Variants in KIRREL3 observed in about 807,000 individuals in gnomAD.
KIRREL3 encodes kin of IRRE-like protein 3.
A neutral mutation model predicts 89.7 loss-of-function variants in KIRREL3; 36 were observed. That is an observed-to-expected ratio of 0.40 (90% CI 0.31 to 0.53). The LOEUF (loss-of-function observed/expected upper bound fraction) is 0.53, where lower values mean the gene tolerates loss of function less well. Among genes scored for constraint, KIRREL3 ranks in the 20% least tolerant of loss-of-function variants. The probability of loss-of-function intolerance (pLI) is 0.49; values close to 1 mark genes in which losing one functional copy is unlikely to be tolerated. For missense variants in KIRREL3, 864 were observed against 1,056.6 expected (o/e 0.82, Z 2.53); for synonymous variants, 445 against 441.4 (o/e 1.01, Z -0.10).
intron 1 of KIRREL3, among the ~76,000 whole-genome samples, chr11:126,862,810 C>A (rs1383746713): frequency 1.3e-5 from 2 of 152,168 alleles, no homozygotes; most frequent in East Asian, 3.8e-4. Flanking sequence ...ATCAATCTGC[C>A]AGAGAGTGAT....
intron 7 of KIRREL3, among the ~76,000 whole-genome samples, chr11:126,451,801 C>T (rs11220500): frequency 0.6 from 91,016 of 151,464 alleles, 27,831 homozygotes; most frequent in East Asian, 0.82. Flanking sequence ...TTTAATCCTA[C>T]TCTGATCCCA....
chr11:126,626,258 C>T (rs558230065), intron 1 of KIRREL3, among the ~76,000 whole-genome samples: 3 of 152,294 alleles, frequency 2.0e-5, no homozygotes, highest in South Asian at 4.1e-4. Context: ...CTGGGTGTGC[C>T]CTTTAACTAC....
chr11:126,428,545 G>A lies in KIRREL3; in HGVS notation c.1806+634C>T, dbSNP rs545926570. On this transcript the variant is annotated intron_variant, in intron 15 of 16. Transcript: ENST00000525144. This position sits in a 1 kb window ranked among gnomAD's most constrained non-coding sequence, Gnocchi z 6.4. ...TAGCTATGTGTGTGTGTGCGGGGGA[G>A]GGGAGGGGATTATATGTTATATAAC... Among the ~76,000 whole-genome samples the A allele has an allele frequency of 3.3e-5, 5 of 152,168 alleles. No homozygotes were observed. Among genetic ancestry groups the A allele is most frequent in the Admixed American group, 2.0e-4 (3 of 15,290 alleles).
At chr11:126,539,339 G>A (rs612841) in intron 2 of KIRREL3, among the ~76,000 whole-genome samples, 56,342 of 152,040 alleles carry the variant, frequency 0.37, 11,747 homozygotes, top group East Asian at 0.86. Context: ...GGGTCAGACC[G>A]TGTGGGCCCT....
At chr11:126,637,199 G>A (rs1218432324) in intron 1 of KIRREL3, among the ~76,000 whole-genome samples, 1 of 152,198 alleles carries the variant, frequency 6.6e-6, no homozygotes, top group Non-Finnish European at 1.5e-5. Flanking sequence ...TGGAGGTGGA[G>A]AATGGAACTT....
In KIRREL3 at chr11:126,566,661, A is replaced by T. The variant is rs1454682680; in HGVS notation, c.56-3749T>A. Among the ~76,000 whole-genome samples the T allele has an allele frequency of 2.0e-5, 3 of 152,122 alleles. No homozygotes were observed. The highest frequency in any genetic ancestry group is 1.9e-4 in the East Asian group (1 of 5,192). ...TTCCTCCTGGGAGAAATAAAAGGGG[A>T]TGGCTTTTTAAATGGGATGGGTTTT... On this transcript the variant is annotated intron_variant, in intron 1 of 16. Transcript: ENST00000525144. The surrounding 1 kb of genome is among the most constrained non-coding windows in gnomAD (Gnocchi z 4.9).
At chr11:126,951,484 A>T (rs1187293680) in intron 1 of KIRREL3, among the ~76,000 whole-genome samples, 2 of 152,196 alleles carry the variant, frequency 1.3e-5, no homozygotes, top group Admixed American at 1.3e-4. Context: ...AGAAGGAGGT[A>T]TCAGGAGGAG....
intron 1 of KIRREL3, among the ~76,000 whole-genome samples, chr11:126,707,763 C>T (rs1947591667): frequency 6.6e-6 from 1 of 152,010 alleles, no homozygotes; most frequent in South Asian, 2.1e-4. Flanking sequence ...TTCCCTGGGT[C>T]ATTTCTCCCA....
At chr11:126,963,842 C>G (rs1272941661) in intron 1 of KIRREL3, among the ~76,000 whole-genome samples, 1 of 152,106 alleles carries the variant, frequency 6.6e-6, no homozygotes, top group East Asian at 1.9e-4. Context: ...AAAGTGCCAC[C>G]CCTGGAGTGA....
At position 126,953,410 on chromosome 11, in the gene KIRREL3, A is replaced by G. The variant is rs528678480; in HGVS notation, c.55+47045T>C. 5.3e-5 allele frequency among the ~76,000 whole-genome samples: 8 copies of G among 152,302 alleles called. No individual in the cohort carries two copies. The highest frequency in any genetic ancestry group is 2.1e-4 in the South Asian group (1 of 4,824). ...GAGGAGTCGATGGGTGCAGCAAACCATCATGGCATGTGTATACCTTTGTAA... is the reference window on the plus strand; with the variant it reads ...GAGGAGTCGATGGGTGCAGCAAACCGTCATGGCATGTGTATACCTTTGTAA... On this transcript the variant is annotated intron_variant, in intron 1 of 16. Coordinates refer to ENST00000525144, the MANE Select transcript of KIRREL3 (RefSeq NM_032531.4). The surrounding 1 kb of genome is among the most constrained non-coding windows in gnomAD (Gnocchi z 5.2).
chr11:126,628,161 C>A lies in KIRREL3; in HGVS notation c.56-65249G>T, dbSNP rs1216523142. 2.6e-5 allele frequency among the ~76,000 whole-genome samples: 4 copies of A among 152,244 alleles called. No individual in the cohort carries two copies. The highest frequency in any genetic ancestry group is 4.4e-5 in the Non-Finnish European group (3 of 68,044). ...GACAAGACTGGTCCCTCTGAACACA[C>A]TTCGCCCACCCCTCCAAGGCTTCTG... On this transcript the variant is annotated intron_variant, in intron 1 of 16. Coordinates refer to ENST00000525144, the MANE Select transcript of KIRREL3 (RefSeq NM_032531.4). This position sits in a 1 kb window ranked among gnomAD's most constrained non-coding sequence, Gnocchi z 5.2.
At chr11:126,757,345 C>A (rs556351825) in intron 1 of KIRREL3, among the ~76,000 whole-genome samples, 4 of 151,620 alleles carry the variant, frequency 2.6e-5, no homozygotes, top group African/African-American at 4.8e-5. Flanking sequence ...CCAGCCCCAA[C>A]AATTCAGAAG....
chr11:126,667,814 A>T (rs149042144), intron 1 of KIRREL3, among the ~76,000 whole-genome samples: 48 of 152,340 alleles, frequency 3.2e-4, no homozygotes, highest in Middle Eastern at 3.4e-3. Flanking sequence ...CACTTTGGGC[A>T]GGAGTGGGAT....
At position 126,664,505 on chromosome 11, in the gene KIRREL3, G is replaced by T. The variant is rs1945565689; in HGVS notation, c.56-101593C>A. On this transcript the variant is annotated intron_variant, in intron 1 of 16. Transcript: ENST00000525144. The surrounding 1 kb of genome is among the most constrained non-coding windows in gnomAD (Gnocchi z 5.4). ...ATACTGGGCTAGAGCAATCTCAGGTGCAGGGAAGGCATAGATCTTCTGTTG... is the reference window on the plus strand; with the variant it reads ...ATACTGGGCTAGAGCAATCTCAGGTTCAGGGAAGGCATAGATCTTCTGTTG... 1.3e-5 allele frequency among the ~76,000 whole-genome samples: 2 copies of T among 152,180 alleles called. No homozygotes were observed. The highest frequency in any genetic ancestry group is 6.5e-5 in the Admixed American group (1 of 15,284).
rs185521431 is a variant in KIRREL3, at chr11:126,772,077, G to C, written c.56-209165C>G. ...TCAGAGCTCTAAAGCACTAAGAGGTGCCAGCTCATTCTCAGGGCAGAAGAA... is the reference window on the plus strand; with the variant it reads ...TCAGAGCTCTAAAGCACTAAGAGGTCCCAGCTCATTCTCAGGGCAGAAGAA... On this transcript the variant is annotated intron_variant, in intron 1 of 16. Coordinates refer to ENST00000525144, the MANE Select transcript of KIRREL3 (RefSeq NM_032531.4). The surrounding 1 kb of genome is among the most constrained non-coding windows in gnomAD (Gnocchi z 4.6). Among the ~76,000 whole-genome samples, 1 of 152,316 alleles carries C rather than the reference G, an allele frequency of 6.6e-6. No individual in the cohort carries two copies. The highest frequency in any genetic ancestry group is 6.5e-5 in the Admixed American group (1 of 15,302).
In KIRREL3 at chr11:126,768,774, C is replaced by G. The variant is rs946811436; in HGVS notation, c.56-205862G>C. 1.3e-5 allele frequency among the ~76,000 whole-genome samples: 2 copies of G among 152,156 alleles called. No homozygotes were observed. The highest frequency in any genetic ancestry group is 6.5e-5 in the Admixed American group (1 of 15,278). Reference sequence around the variant, plus strand: ...GTGCCTTCAGGAATAGAAGGAAGGTCACTGTGGCTAAGCTTGATGGTCCTG... The same window carrying G: ...GTGCCTTCAGGAATAGAAGGAAGGTGACTGTGGCTAAGCTTGATGGTCCTG... On this transcript the variant is annotated intron_variant, in intron 1 of 16. Transcript: ENST00000525144. The surrounding 1 kb of genome is among the most constrained non-coding windows in gnomAD (Gnocchi z 4.5).
intron 1 of KIRREL3, among the ~76,000 whole-genome samples, chr11:126,735,869 A>T (rs1948783456): frequency 6.6e-6 from 1 of 152,212 alleles, no homozygotes; most frequent in Non-Finnish European, 1.5e-5. Context: ...ATTTAAAGGC[A>T]AAAATAAGGG....
Position 126,710,363 on chromosome 11 carries a change from G to A in KIRREL3, c.56-147451C>T, listed in dbSNP as rs1024738140. 2.0e-5 allele frequency among the ~76,000 whole-genome samples: 3 copies of A among 152,142 alleles called. No individual in the cohort carries two copies. Among genetic ancestry groups the A allele is most frequent in the African/African-American group, 4.8e-5 (2 of 41,424 alleles). On this transcript the variant is annotated intron_variant, in intron 1 of 16. Transcript: ENST00000525144. This position sits in a 1 kb window ranked among gnomAD's most constrained non-coding sequence, Gnocchi z 4.2. ...TGTGGCACCCCATTCTTCCCATTGAGCCCTCTCCTCTTCCTGTTGAAGTTC... is the reference window on the plus strand; with the variant it reads ...TGTGGCACCCCATTCTTCCCATTGAACCCTCTCCTCTTCCTGTTGAAGTTC...
chr11:126,603,257 C>T (rs1214525401), intron 1 of KIRREL3, among the ~76,000 whole-genome samples: 1 of 152,262 alleles, frequency 6.6e-6, no homozygotes, highest in Non-Finnish European at 1.5e-5. Flanking sequence ...TACCGATGGG[C>T]AGGCAAGTGG....
Sources: allele counts gnomAD v4.1 joint callset (sites outside exome capture counted in the v4.1 genomes callset), GRCh38; gene constraint gnomAD v4.1.1; non-coding constraint Gnocchi (gnomAD v3.1); transcripts MANE v1.5; gene names NCBI Gene and HGNC (gene_info 2026-07-23, HGNC 2026-07-21).